Variants in NAALADL2 observed in about 807,000 individuals in gnomAD.
The protein encoded by NAALADL2 is inactive N-acetylated-alpha-linked acidic dipeptidase-like protein 2.
A neutral mutation model predicts 87.2 loss-of-function variants in NAALADL2; 76 were observed. That is an observed-to-expected ratio of 0.87 (90% CI 0.72 to 1.05). The LOEUF (loss-of-function observed/expected upper bound fraction) is 1.05. Ranked by LOEUF, NAALADL2 falls within the 50% of genes least tolerant of loss-of-function variation. The pLI, the probability that NAALADL2 is intolerant of heterozygous loss-of-function variation, is 0.00. For missense variants in NAALADL2, 1,089 were observed against 945.8 expected (o/e 1.15, Z -1.99); for synonymous variants, 354 against 331.0 (o/e 1.07, Z -0.75).
At chr3:174,508,705 T>C (rs1279572076) in intron 1 of NAALADL2, among the ~76,000 whole-genome samples, 12 of 151,908 alleles carry the variant, frequency 7.9e-5, no homozygotes, top group Non-Finnish European at 1.6e-4. Context: ...ATTTAAAACA[T>C]TCCTAAACAT....
intron 2 of NAALADL2, among the ~76,000 whole-genome samples, chr3:175,203,119 C>T (rs923109841): frequency 2.0e-5 from 3 of 152,094 alleles, no homozygotes; most frequent in Non-Finnish European, 4.4e-5. Flanking sequence ...ACTGGATTCG[C>T]ACCCTCCCCT....
intron 6 of NAALADL2, among the ~76,000 whole-genome samples, chr3:175,448,027 C>T (rs1200622464): frequency 1.3e-5 from 2 of 152,174 alleles, no homozygotes; most frequent in Non-Finnish European, 2.9e-5. Context: ...GGAACTACAC[C>T]TTGTGGGCTC....
intron 11 of NAALADL2, among the ~76,000 whole-genome samples, chr3:175,727,725 A>G (rs1201605542): frequency 6.6e-6 from 1 of 152,198 alleles, no homozygotes; most frequent in Non-Finnish European, 1.5e-5. Context: ...CAATTTTCCT[A>G]TCTCTTTCTC....
intron 3 of NAALADL2, among the ~76,000 whole-genome samples, chr3:174,813,910 CAGAT>C (rs1720497672): frequency 1.3e-5 from 2 of 151,966 alleles, no homozygotes; most frequent in African/African-American, 4.8e-5. Flanking sequence ...AGCTCTTTAA[CAGAT>C]AGGTAGTGTC....
chr3:175,733,157 C>T (rs1744019054), intron 11 of NAALADL2, among the ~76,000 whole-genome samples: 1 of 152,138 alleles, frequency 6.6e-6, no homozygotes. Context: ...TTTTTTACGA[C>T]TTGAATTGTG....
At chr3:175,063,853 T>C (rs948364072) in intron 1 of NAALADL2, among the ~76,000 whole-genome samples, 1 of 152,148 alleles carries the variant, frequency 6.6e-6, no homozygotes, top group African/African-American at 2.4e-5. Context: ...AAATTATCTA[T>C]ATTAGGCAAC....
At chr3:175,018,676 G>A (rs1184683794) in intron 1 of NAALADL2, among the ~76,000 whole-genome samples, 2 of 151,982 alleles carry the variant, frequency 1.3e-5, no homozygotes, top group African/African-American at 2.4e-5. Flanking sequence ...AGTTTAAATG[G>A]CATTCAACGT....
chr3:175,491,901 C>T (rs1015375797), intron 9 of NAALADL2, among the ~76,000 whole-genome samples: 21 of 152,128 alleles, frequency 1.4e-4, no homozygotes, highest in South Asian at 1.0e-3. Context: ...AAATTATGAT[C>T]GGAATAATTT....
At chr3:175,102,469 A>G (rs760567696) in intron 2 of NAALADL2, among the ~76,000 whole-genome samples, 11 of 152,156 alleles carry the variant, frequency 7.2e-5, no homozygotes, top group Non-Finnish European at 8.8e-5. Context: ...GAGTTTCCCC[A>G]TGGCTTTTAT....
chr3:175,235,515 T>C (rs556393261), intron 3 of NAALADL2: 1 of 152,322 alleles, frequency 6.6e-6, no homozygotes, highest in African/African-American at 2.4e-5. Context: ...CACACCTGTA[T>C]ATTAATAAAA....
At chr3:174,558,304 C>G (rs545647908) in intron 2 of NAALADL2, among the ~76,000 whole-genome samples, 19 of 152,196 alleles carry the variant, frequency 1.2e-4, no homozygotes, top group African/African-American at 4.3e-4. Context: ...CTTTTTGTGA[C>G]CAGGGACTAG....
chr3:174,535,509 C>T (rs1296295005), intron 1 of NAALADL2, among the ~76,000 whole-genome samples: 1 of 152,080 alleles, frequency 6.6e-6, no homozygotes, highest in African/African-American at 2.4e-5. Flanking sequence ...TAAAGCAAAG[C>T]TTTATAATAG....
intron 1 of NAALADL2, among the ~76,000 whole-genome samples, chr3:174,938,310 G>A (rs1738017593): frequency 6.6e-6 from 1 of 152,016 alleles, no homozygotes; most frequent in African/African-American, 2.4e-5. Context: ...TTTTGCTAAA[G>A]ATAATAGCCT....
chr3:175,135,263 A>G (rs896379624), intron 2 of NAALADL2, among the ~76,000 whole-genome samples: 1 of 152,202 alleles, frequency 6.6e-6, no homozygotes, highest in African/African-American at 2.4e-5. Flanking sequence ...ATTACCTGTG[A>G]GGGGTTTATT....
intron 1 of NAALADL2, among the ~76,000 whole-genome samples, chr3:175,071,355 C>G (rs1172640192): frequency 6.6e-6 from 1 of 152,030 alleles, no homozygotes; most frequent in African/African-American, 2.4e-5. Flanking sequence ...ATAACCTTAT[C>G]ATTGGATTTT....
intron 1 of NAALADL2, among the ~76,000 whole-genome samples, chr3:174,473,523 T>C (rs1453484316): frequency 2.0e-5 from 3 of 152,200 alleles, no homozygotes; most frequent in African/African-American, 7.2e-5. Context: ...GCCTTTCCCT[T>C]TCATGATTAC....
chr3:175,624,023 G>C (rs1445534269), intron 10 of NAALADL2, among the ~76,000 whole-genome samples: 1 of 151,630 alleles, frequency 6.6e-6, no homozygotes, highest in Non-Finnish European at 1.5e-5. Context: ...CACTTGCACT[G>C]TGTTAGGTAC....
At chr3:174,749,504 GA>G (rs57331910) in intron 3 of NAALADL2, among the ~76,000 whole-genome samples, 32,428 of 143,080 alleles carry the variant, frequency 0.23, 3,803 homozygotes, top group East Asian at 0.38. Flanking sequence ...TAGTAGTTAG[GA>G]AAAAAAAAAA....
intron 11 of NAALADL2, 96 bp from the exon 12 acceptor site, chr3:175,737,210 C>T: frequency 1.4e-6 from 1 of 738,510 alleles, no homozygotes; most frequent in South Asian, 1.5e-5. Context: ...TTTTGCTGCT[C>T]TAGATGTATA....
Sources: allele counts gnomAD v4.1 joint callset (sites outside exome capture counted in the v4.1 genomes callset), GRCh38; gene constraint gnomAD v4.1.1; transcripts MANE v1.5; gene names NCBI Gene and HGNC (gene_info 2026-07-23, HGNC 2026-07-21).